ZC3H3: variants seen among roughly 807,000 people sequenced by gnomAD.
ZC3H3 encodes zinc finger CCCH domain-containing protein 3.
Under a neutral mutation model 77.3 loss-of-function variants are expected in ZC3H3, and 36 were observed. The observed-to-expected ratio is 0.47, with a 90% CI of 0.36 to 0.61. The LOEUF is 0.61. ZC3H3 is among the 20% of genes least tolerant of loss of function. The pLI, the probability that ZC3H3 is intolerant of heterozygous loss-of-function variation, is 0.00. For missense variants in ZC3H3, 1,331 were observed against 1,312.2 expected (o/e 1.01, Z -0.22); for synonymous variants, 626 against 555.2 (o/e 1.13, Z -1.79).
chr8:143,494,435 G>A lies in ZC3H3; in HGVS notation c.1715+13311C>T, dbSNP rs556474396. Among the ~76,000 whole-genome samples, 96 of 152,270 alleles carry A rather than the reference G, an allele frequency of 6.3e-4. No individual in the cohort carries two copies. Among genetic ancestry groups the A allele is most frequent in the South Asian group, 8.3e-4 (4 of 4,816 alleles). On this transcript the variant is annotated intron_variant, in intron 4 of 11. Transcript: ENST00000262577. The surrounding 1 kb of genome is among the most constrained non-coding windows in gnomAD (Gnocchi z 5.3). ...CTGCCAGCGTGGAGGATGGGGCTCC[G>A]GCAGATGACCCCCGAGGGGTGAGCA...
chr8:143,484,501 C>T (rs1412002267), intron 4 of ZC3H3: 1 of 155,762 alleles, frequency 6.4e-6, no homozygotes, highest in African/African-American at 2.4e-5. Context: ...GTAAAATTCT[C>T]CATAAAATGA....
chr8:143,504,391 A>C (rs1821625148), intron 4 of ZC3H3, among the ~76,000 whole-genome samples: 1 of 152,196 alleles, frequency 6.6e-6, no homozygotes, highest in Non-Finnish European at 1.5e-5. Context: ...GGCTGTTGTC[A>C]GCAGCAGAGC....
chr8:143,507,738 C>T lies in ZC3H3; in HGVS notation c.1715+8G>A. 2 of 1,559,410 alleles carry T rather than the reference C, an allele frequency of 1.3e-6. No individual in the cohort carries two copies. Among genetic ancestry groups the T allele is most frequent in the Non-Finnish European group, 1.7e-6 (2 of 1,153,120 alleles). ...AGGCCTGCAGGAGCCTGCAGGAAGC[C>T]TTCCTACCTGGATAGTGAGAGCCGC... On this transcript the variant is annotated splice_region_variant and intron_variant, in intron 4 of 11. Transcript: ENST00000262577.
intron 4 of ZC3H3, 72 bp downstream of exon 4, chr8:143,507,674 C>G: frequency 7.1e-7 from 1 of 1,408,044 alleles, no homozygotes; most frequent in South Asian, 1.6e-5. Context: ...TGGATTCTAC[C>G]CTGCAGCCCT....
chr8:143,477,788 G>A (rs1338642317), intron 4 of ZC3H3, among the ~76,000 whole-genome samples: 3 of 152,216 alleles, frequency 2.0e-5, no homozygotes, highest in Non-Finnish European at 4.4e-5. Flanking sequence ...ACAGGCCTCA[G>A]GGGTCTCACC....
chr8:143,484,345 C>T (rs1820991768), intron 4 of ZC3H3, among the ~76,000 whole-genome samples: 1 of 152,212 alleles, frequency 6.6e-6, no homozygotes, highest in Non-Finnish European at 1.5e-5. Context: ...AATGACACTG[C>T]CTCCGTTACA....
rs1331895420 is a variant in ZC3H3 at position 143,494,630 on chromosome 8, A to G, written c.1715+13116T>C. On this transcript the variant is annotated intron_variant, in intron 4 of 11. Coordinates refer to ENST00000262577, the MANE Select transcript of ZC3H3 (RefSeq NM_015117.3). This position sits in a 1 kb window ranked among gnomAD's most constrained non-coding sequence, Gnocchi z 5.3. Reference sequence around the variant, plus strand: ...CAGGAGGGAAGCGGCAGGTCGGGGGAGGGGGGTGCTGTGGGCAGACACACG... The same window carrying G: ...CAGGAGGGAAGCGGCAGGTCGGGGGGGGGGGGTGCTGTGGGCAGACACACG... Among the ~76,000 whole-genome samples, 1 of 151,614 alleles carries G rather than the reference A, an allele frequency of 6.6e-6. No individual in the cohort carries two copies. The highest frequency in any genetic ancestry group is 2.0e-4 in the East Asian group (1 of 5,028).
rs373239058 is a variant in ZC3H3, at chr8:143,465,792, A to G, written c.2232T>C (p.Tyr744=). The G allele has an allele frequency of 1.2e-6, 2 of 1,613,684 alleles. No homozygotes were observed. The highest frequency in any genetic ancestry group is 8.5e-7 in the Non-Finnish European group (1 of 1,180,010). The change falls in exon 9 of 12, where the codon TAT becomes TAC. Residue 744 remains tyrosine, a synonymous_variant. Transcript: ENST00000262577. ...CCTTGCGGGACACGTACACGTGGCTATAGGGACAGTTGCTGTTGCTGCAGA... is the reference window on the plus strand; with the variant it reads ...CCTTGCGGGACACGTACACGTGGCTGTAGGGACAGTTGCTGTTGCTGCAGA... ...KGICSNSNCP[Y]SHVYVSRKAE... is the part of the protein sequence containing the mutation.
At chr8:143,502,243 C>A (rs1248143214) in intron 4 of ZC3H3, among the ~76,000 whole-genome samples, 8 of 152,254 alleles carry the variant, frequency 5.3e-5, no homozygotes, top group African/African-American at 1.9e-4. Flanking sequence ...TGACACGGCC[C>A]CAGCCGACGA....
intron 9 of ZC3H3, among the ~76,000 whole-genome samples, chr8:143,451,540 G>A (rs1819987328): frequency 1.3e-5 from 2 of 152,112 alleles, no homozygotes; most frequent in Admixed American, 1.3e-4. Context: ...GGGCACGGTG[G>A]CTCACCCCTG....
At chr8:143,483,584 C>G (rs560584416) in intron 4 of ZC3H3, among the ~76,000 whole-genome samples, 1 of 152,168 alleles carries the variant, frequency 6.6e-6, no homozygotes, top group African/African-American at 2.4e-5. Flanking sequence ...AGTGGGGGTG[C>G]TAGGCGGGCT....
intron 5 of ZC3H3, among the ~76,000 whole-genome samples, chr8:143,470,992 G>A (rs527253107): frequency 1.1e-4 from 17 of 152,258 alleles, no homozygotes; most frequent in African/African-American, 4.1e-4. Context: ...CCCAGTGCCA[G>A]CTCTGGGCAC....
Position 143,468,508 on chromosome 8 carries a change from C to T in ZC3H3, c.1979G>A (p.Arg660Gln), listed in dbSNP as rs1342666645. Residue 660 changes from arginine (R) to glutamine (Q), a missense_variant, in exon 7 of 12, where the codon CGG becomes CAG. Physicochemically the swap from Arg to Gln is conservative, Grantham distance 43 (BLOSUM62 1). Transcript: ENST00000262577. The part of the protein sequence containing the change: ...RAVQRSLAII[R>Q]QARQRREKRK... ...CTTCTCCCTGCGCTGCCGCGCCTGC[C>T]GGATGATGGCCAGGCTGCGCTGCAC... 5.0e-6 allele frequency: 8 copies of T among 1,609,024 alleles called. No homozygotes were observed. The highest frequency in any genetic ancestry group is 2.7e-5 in the African/African-American group (2 of 74,820).
At chr8:143,449,351 T>C (rs1225719535) in intron 9 of ZC3H3, among the ~76,000 whole-genome samples, 1 of 152,238 alleles carries the variant, frequency 6.6e-6, no homozygotes, top group East Asian at 1.9e-4. Flanking sequence ...CTTGAGGTCA[T>C]TTCTTTGCTC....
intron 3 of ZC3H3, among the ~76,000 whole-genome samples, chr8:143,528,190 T>A (rs1221452308): frequency 1.3e-5 from 2 of 152,138 alleles, no homozygotes; most frequent in Non-Finnish European, 1.5e-5. Context: ...CCCTGCGTGC[T>A]CCTGCCTCCT....
intron 4 of ZC3H3, among the ~76,000 whole-genome samples, chr8:143,482,388 C>T (rs544179256): frequency 1.3e-4 from 20 of 152,326 alleles, no homozygotes; most frequent in Admixed American, 5.2e-4. Context: ...GTGCCGGGCA[C>T]GCAGGGGGCT....
At position 143,539,209 on chromosome 8, in the gene ZC3H3, C is replaced by T. The variant is rs142996724; in HGVS notation, c.158G>A (p.Arg53His). ...GCCCCTCCGGCTTGGACGAGGGTAGCGGGCACTAAAGGCTCTGCCACTGTG... is the reference window on the plus strand; with the variant it reads ...GCCCCTCCGGCTTGGACGAGGGTAGTGGGCACTAAAGGCTCTGCCACTGTG... ...TYHSGRAFSARYPRPSRRGYS... is the reference protein window; with the variant it reads ...TYHSGRAFSAHYPRPSRRGYS... Residue 53 changes from arginine (R) to histidine (H), a missense_variant, in exon 2 of 12, where the codon CGC (arginine) becomes CAC (histidine). Physicochemically the swap from Arg to His is conservative, Grantham distance 29. This residue lies in a region of ZC3H3 where 978 missense variants were observed against 915.5 expected (regional missense o/e 1.07). Transcript: ENST00000262577. 218 of 1,612,898 alleles carry T rather than the reference C, an allele frequency of 1.4e-4. No homozygotes were observed. The highest frequency in any genetic ancestry group is 6.6e-4 in the Middle Eastern group (4 of 6,062).
chr8:143,472,968 C>T (rs889975473), intron 5 of ZC3H3, among the ~76,000 whole-genome samples: 1 of 152,196 alleles, frequency 6.6e-6, no homozygotes, highest in Non-Finnish European at 1.5e-5. Flanking sequence ...GGCATCCCCT[C>T]CCTGGCTCCA....
intron 3 of ZC3H3, among the ~76,000 whole-genome samples, chr8:143,525,391 G>C (rs1384958167): frequency 6.6e-6 from 1 of 152,250 alleles, no homozygotes; most frequent in Non-Finnish European, 1.5e-5. Flanking sequence ...GGATTCCTGT[G>C]GCCATCTAGA....
Sources: allele counts gnomAD v4.1 joint callset (sites outside exome capture counted in the v4.1 genomes callset), GRCh38; gene constraint gnomAD v4.1.1; regional missense constraint gnomAD v4.1.1; non-coding constraint Gnocchi (gnomAD v3.1); transcripts MANE v1.5; gene names NCBI Gene and HGNC (gene_info 2026-07-23, HGNC 2026-07-21).